PDE4D: variants seen among roughly 807,000 people sequenced by gnomAD.
PDE4D encodes the protein phosphodiesterase 4D.
Under a neutral mutation model 87.4 loss-of-function variants are expected in PDE4D, and 24 were observed. The ratio of observed to expected loss-of-function variants is 0.27; its 90% CI spans 0.20 to 0.39. The LOEUF (loss-of-function observed/expected upper bound fraction) is 0.39. Ranked by LOEUF, PDE4D falls within the 10% of genes least tolerant of loss-of-function variation. The probability of loss-of-function intolerance (pLI) is 1.00; values close to 1 mark genes in which losing one functional copy is unlikely to be tolerated. For synonymous variants in PDE4D, 384 were observed against 383.2 expected (o/e 1.00, Z -0.02); for missense variants, 714 against 1,041.0 (o/e 0.69, Z 4.32).
At position 60,493,260 on chromosome 5, in the gene PDE4D, G is replaced by A. The variant is rs1749629774; in HGVS notation, n.70+28791C>T. On this transcript the variant is annotated intron_variant and non_coding_transcript_variant, in intron 1 of 2. Coordinates refer to the PDE4D transcript ENST00000506510. ...CCTGCATGAGGGAAAAAAAATAATG[G>A]AAGTCATTAATCTTCAGTCATGGTA... is the stretch of plus-strand genomic sequence containing the variant. 2.6e-5 allele frequency among the ~76,000 whole-genome samples: 4 copies of A among 152,262 alleles called. No individual in the cohort carries two copies. The South Asian group carries it at 8.3e-4, about 32-fold the overall frequency.
chr5:59,879,697 A>G (rs1749152146), intron 1 of PDE4D, among the ~76,000 whole-genome samples: 1 of 152,232 alleles, frequency 6.6e-6, no homozygotes, highest in Admixed American at 6.5e-5. Flanking sequence ...AAAGGCTGCC[A>G]GACTGCTTGA....
intron 5 of PDE4D, among the ~76,000 whole-genome samples, chr5:59,104,806 T>C (rs1771322546): frequency 6.6e-6 from 1 of 151,944 alleles, no homozygotes; most frequent in Admixed American, 6.6e-5. Context: ...CCTATGGCAT[T>C]TGAAGGATGA....
At chr5:59,489,467 A>T (rs1391719254) in intron 1 of PDE4D, among the ~76,000 whole-genome samples, 2 of 152,178 alleles carry the variant, frequency 1.3e-5, no homozygotes, top group African/African-American at 4.8e-5. Context: ...AAATGGAATT[A>T]CTTTGTCTTT....
At position 59,659,035 on chromosome 5, in the gene PDE4D, A is replaced by T. The variant is rs556220987; in HGVS notation, c.455+234133T>A. ...TAAAAGAAATTTTAATGCAACTTAA[A>T]TTTTTAAGGTCAAGCCTTCTCTGTA... On this transcript the variant is annotated intron_variant, in intron 1 of 14. Transcript: ENST00000340635. 7.2e-5 allele frequency among the ~76,000 whole-genome samples: 11 copies of T among 152,296 alleles called. No individual in the cohort carries two copies. In the South Asian group the frequency reaches 2.3e-3, roughly 32 times the overall value.
intron 1 of PDE4D, among the ~76,000 whole-genome samples, chr5:60,279,136 A>T (rs1449976409): frequency 5.3e-5 from 8 of 152,172 alleles, no homozygotes; most frequent in Admixed American, 5.2e-4. Flanking sequence ...TCTTAGGAAG[A>T]GGCTCCTTAT....
chr5:59,546,534 C>G (rs1207494244), intron 1 of PDE4D, among the ~76,000 whole-genome samples: 1 of 151,920 alleles, frequency 6.6e-6, no homozygotes, highest in Non-Finnish European at 1.5e-5. Context: ...CAGATGTATA[C>G]AGATATATGA....
In PDE4D at chr5:59,185,182, A is replaced by C. The variant is rs768741762; in HGVS notation, c.758+7T>G. ...CAAAAAAGAGGGGGGAAAAAAGGAT[A>C]TCTTACTTGCTAGGTGCTCGATCTT... On this transcript the variant is annotated splice_region_variant and intron_variant, in intron 4 of 14. Transcript: ENST00000340635. The C allele has an allele frequency of 6.2e-7, 1 of 1,608,030 alleles. No individual in the cohort carries two copies. The highest frequency in any genetic ancestry group is 8.5e-7 in the Non-Finnish European group (1 of 1,175,634).
chr5:60,323,757 C>T (rs370922489), intron 1 of PDE4D, among the ~76,000 whole-genome samples: 2 of 151,750 alleles, frequency 1.3e-5, no homozygotes, highest in African/African-American at 4.9e-5. Context: ...ATGATTACCA[C>T]CCTCCACCCC....
At position 59,677,243 on chromosome 5, in the gene PDE4D, T is replaced by C. The variant is rs544602615; in HGVS notation, c.455+215925A>G. 6.6e-5 allele frequency among the ~76,000 whole-genome samples: 10 copies of C among 152,288 alleles called. No homozygotes were observed. In the South Asian group the frequency reaches 1.9e-3, roughly 28 times the overall value. On this transcript the variant is annotated intron_variant, in intron 1 of 14. Coordinates refer to ENST00000340635, the MANE Select transcript of PDE4D (RefSeq NM_001104631.2). ...AGAAAGGCAAATGCTGGGGGGAACA[T>C]ATTAAAATGTTTCTCTGACATTTTG...
intron 3 of PDE4D, among the ~76,000 whole-genome samples, chr5:59,958,232 G>A (rs1759072514): frequency 6.6e-6 from 1 of 152,070 alleles, no homozygotes; most frequent in Admixed American, 6.6e-5. Context: ...ATTAAACTTT[G>A]ATATTATTAG....
intron 1 of PDE4D, among the ~76,000 whole-genome samples, chr5:59,647,280 A>T (rs912970930): frequency 6.6e-6 from 1 of 152,174 alleles, no homozygotes. Flanking sequence ...GCCAAATATA[A>T]AAATGAAACA....
At chr5:60,251,405 T>C (rs1391780171) in intron 1 of PDE4D, among the ~76,000 whole-genome samples, 1 of 151,972 alleles carries the variant, frequency 6.6e-6, no homozygotes, top group African/African-American at 2.4e-5. Context: ...TTCTCCTCTA[T>C]GAGTCCATGT....
intron 1 of PDE4D, among the ~76,000 whole-genome samples, chr5:59,803,643 C>T (rs1370846907): frequency 6.9e-6 from 1 of 145,040 alleles, no homozygotes; most frequent in Non-Finnish European, 1.5e-5. Context: ...TCTGGCACTC[C>T]AGGTAATTCT....
intron 1 of PDE4D, among the ~76,000 whole-genome samples, chr5:60,470,020 C>T (rs753912080): frequency 1.3e-5 from 2 of 152,148 alleles, no homozygotes; most frequent in African/African-American, 2.4e-5. Flanking sequence ...CAGCCAAAAG[C>T]TCCTGTGCAA....
chr5:58,985,680 G>T (rs188569641), intron 11 of PDE4D, among the ~76,000 whole-genome samples: 193 of 152,306 alleles, frequency 1.3e-3, no homozygotes, highest in African/African-American at 4.5e-3. Flanking sequence ...GGACAGGATG[G>T]CAGCTCCAGC....
chr5:59,454,056 C>T (rs1324331500), intron 1 of PDE4D, among the ~76,000 whole-genome samples: 3 of 152,174 alleles, frequency 2.0e-5, no homozygotes, highest in Non-Finnish European at 4.4e-5. Flanking sequence ...ATCTATTCTG[C>T]CTGTGCTTGT....
intron 11 of PDE4D, among the ~76,000 whole-genome samples, chr5:58,981,148 C>T (rs1209124325): frequency 1.3e-5 from 2 of 152,140 alleles, no homozygotes; most frequent in East Asian, 3.9e-4. Context: ...AGACGCACCC[C>T]AAAATAGTGT....
chr5:59,414,234 A>G (rs1384724505), intron 1 of PDE4D, among the ~76,000 whole-genome samples: 1 of 152,234 alleles, frequency 6.6e-6, no homozygotes, highest in Non-Finnish European at 1.5e-5. Flanking sequence ...GATTTCAAAG[A>G]TATGGAATGT....
At position 59,771,469 on chromosome 5, in the gene PDE4D, GAA is replaced by G. The variant is rs1491195515; in HGVS notation, c.455+121697_455+121698del. On this transcript the variant is annotated intron_variant, in intron 1 of 14. Transcript: ENST00000340635. The stretch of plus-strand genomic sequence containing the variant: ...AGAAAGAAAGAAAGAAAGAAAGAAA[GAA>G]AGAAAGAAAGAAAGAGAGAGAGAGA... 1.8e-3 allele frequency among the ~76,000 whole-genome samples: 164 copies of G among 89,000 alleles called. 2 individuals carry two copies. Among genetic ancestry groups the G allele is most frequent in the African/African-American group, 3.7e-3 (74 of 20,046 alleles). The allele number at this position is 89,000 out of a possible 152,430, so 58.4% of individuals were successfully genotyped here.
Sources: allele counts gnomAD v4.1 joint callset (sites outside exome capture counted in the v4.1 genomes callset), GRCh38; gene constraint gnomAD v4.1.1; transcripts MANE v1.5; gene names NCBI Gene and HGNC (gene_info 2026-07-23, HGNC 2026-07-21).